The following CACNA1C variants were observed in gnomAD, a reference collection of about 807,000 sequenced individuals.
CACNA1C encodes voltage-dependent L-type calcium channel subunit alpha-1C.
A neutral mutation model predicts 229.0 loss-of-function variants in CACNA1C; 30 were observed. The observed-to-expected ratio is 0.13, with a 90% CI of 0.10 to 0.18. The LOEUF (loss-of-function observed/expected upper bound fraction) is 0.18. Among genes scored for constraint, CACNA1C ranks in the 10% least tolerant of loss-of-function variants. The probability of loss-of-function intolerance (pLI) is 1.00; values close to 1 mark genes in which losing one functional copy is unlikely to be tolerated. For synonymous variants in CACNA1C, 1,114 were observed against 1,132.5 expected (o/e 0.98, Z 0.33); for missense variants, 1,658 against 2,845.0 (o/e 0.58, Z 9.49).
chr12:2,071,416 T>G (rs2061307188), intron 1 of CACNA1C, among the ~76,000 whole-genome samples: 1 of 151,384 alleles, frequency 6.6e-6, no homozygotes, highest in Non-Finnish European at 1.5e-5. Context: ...TGAGATGAGG[T>G]CTTGCTATGT....
intron 3 of CACNA1C, among the ~76,000 whole-genome samples, chr12:2,185,023 C>T (rs531343663): frequency 2.0e-4 from 30 of 152,190 alleles, no homozygotes; most frequent in African/African-American, 6.8e-4. Context: ...AATCTTACTC[C>T]GCGTGGCTCA....
At chr12:2,182,461 A>G (rs2096872006) in intron 3 of CACNA1C, among the ~76,000 whole-genome samples, 1 of 151,792 alleles carries the variant, frequency 6.6e-6, no homozygotes, top group Non-Finnish European at 1.5e-5. Flanking sequence ...TCACATTTGT[A>G]GCCATTTCAC....
Position 2,277,099 on chromosome 12 carries a change from C to A in CACNA1C, c.477+156669C>A, listed in dbSNP as rs544611529. Among the ~76,000 whole-genome samples the A allele has an allele frequency of 2.6e-5, 4 of 152,124 alleles. No homozygotes were observed. In the South Asian group the frequency reaches 8.3e-4, roughly 32 times the overall value. The stretch of plus-strand genomic sequence containing the variant: ...ATATTAATAGCTGACATTTGCATAG[C>A]ACTTCACAGTTAATATAACACTCTC... On this transcript the variant is annotated intron_variant, in intron 3 of 46. Transcript: ENST00000399655.
intron 1 of CACNA1C, among the ~76,000 whole-genome samples, chr12:2,037,861 C>A (rs1461983730): frequency 6.6e-6 from 1 of 152,130 alleles, no homozygotes; most frequent in Non-Finnish European, 1.5e-5. Flanking sequence ...TTAAAAATAA[C>A]CCCAGGGGAT....
chr12:2,501,691 G>T (rs1357227070), intron 7 of CACNA1C, among the ~76,000 whole-genome samples: 2 of 152,124 alleles, frequency 1.3e-5, no homozygotes, highest in Non-Finnish European at 2.9e-5. Context: ...ATCCTGTATT[G>T]GCTCGGGTTT....
chr12:2,292,864 A>G (rs1305747241), intron 3 of CACNA1C, among the ~76,000 whole-genome samples: 1 of 151,272 alleles, frequency 6.6e-6, no homozygotes, highest in Non-Finnish European at 1.5e-5. Flanking sequence ...CCCACACTGG[A>G]GTGCTGGTGG....
chr12:2,353,149 G>A (rs937664164), intron 3 of CACNA1C, among the ~76,000 whole-genome samples: 2 of 152,198 alleles, frequency 1.3e-5, no homozygotes, highest in Non-Finnish European at 2.9e-5. Flanking sequence ...GGAAGGCCAC[G>A]TCACTCTGGT....
intron 3 of CACNA1C, among the ~76,000 whole-genome samples, chr12:2,363,801 G>A (rs1423606177): frequency 6.6e-6 from 1 of 152,226 alleles, no homozygotes; most frequent in Non-Finnish European, 1.5e-5. Flanking sequence ...TTGGGGTAGG[G>A]GGACGGTAAA....
At chr12:2,161,901 A>G (rs1259619179) in intron 3 of CACNA1C, among the ~76,000 whole-genome samples, 1 of 152,150 alleles carries the variant, frequency 6.6e-6, no homozygotes, top group Non-Finnish European at 1.5e-5. Flanking sequence ...AAGCAGAAGC[A>G]CTCAAAAATA....
At chr12:2,036,976 C>T (rs2049265490) in intron 1 of CACNA1C, among the ~76,000 whole-genome samples, 1 of 152,138 alleles carries the variant, frequency 6.6e-6, no homozygotes, top group Admixed American at 6.5e-5. Context: ...GGCAAGAGAC[C>T]AAGTTCACTC....
chr12:2,256,437 A>G (rs1410138850), intron 3 of CACNA1C, among the ~76,000 whole-genome samples: 1 of 152,200 alleles, frequency 6.6e-6, no homozygotes, highest in Non-Finnish European at 1.5e-5. Flanking sequence ...GAAGAAAACA[A>G]CTGCTTAAAT....
chr12:2,359,217 C>T (rs1279753865), intron 3 of CACNA1C, among the ~76,000 whole-genome samples: 1 of 152,226 alleles, frequency 6.6e-6, no homozygotes, highest in African/African-American at 2.4e-5. Flanking sequence ...GATTCTGTTT[C>T]CTCCCACTTG....
At chr12:2,326,550 C>T (rs1311049387) in intron 3 of CACNA1C, among the ~76,000 whole-genome samples, 1 of 152,208 alleles carries the variant, frequency 6.6e-6, no homozygotes, top group African/African-American at 2.4e-5. Flanking sequence ...GAGGGGCTGC[C>T]ACTGCCCTTG....
intron 9 of CACNA1C, among the ~76,000 whole-genome samples, chr12:2,542,059 C>T (rs1046905078): frequency 4.6e-5 from 7 of 152,266 alleles, no homozygotes; most frequent in Admixed American, 1.3e-4. Context: ...AGGAAGGAAA[C>T]GAGAGTACAG....
chr12:2,237,222 A>G (rs1370243567), intron 3 of CACNA1C, among the ~76,000 whole-genome samples: 6 of 152,222 alleles, frequency 3.9e-5, no homozygotes, highest in African/African-American at 1.4e-4. Flanking sequence ...AATTTTAAAA[A>G]TATACGTTCA....
intron 3 of CACNA1C, among the ~76,000 whole-genome samples, chr12:2,282,453 A>G (rs937537340): frequency 6.6e-6 from 1 of 152,208 alleles, no homozygotes; most frequent in Non-Finnish European, 1.5e-5. Flanking sequence ...TGAGACAGGA[A>G]CAGCAGCTTT....
intron 1 of CACNA1C, among the ~76,000 whole-genome samples, chr12:2,091,577 T>C (rs935860259): frequency 5.3e-5 from 8 of 150,704 alleles, no homozygotes; most frequent in African/African-American, 2.0e-4. Context: ...GCCTTCCTCT[T>C]CCGAGGACCC....
At chr12:2,544,722 C>T (rs2099877891) in intron 9 of CACNA1C, among the ~76,000 whole-genome samples, 1 of 152,176 alleles carries the variant, frequency 6.6e-6, no homozygotes, top group Non-Finnish European at 1.5e-5. Flanking sequence ...AAGCATTTTC[C>T]CTGCAAAAAG....
chr12:2,572,385 CCTCCTCCTTCT>C, intron 13 of CACNA1C, among the ~76,000 whole-genome samples: 1 of 1,766 alleles, frequency 5.7e-4, no homozygotes, highest in Non-Finnish European at 1.1e-3. Context: ...TCCTCCTCTT[CCTCCTCCTTCT>C]TCTCTTCCTC....
Sources: allele counts gnomAD v4.1 joint callset (sites outside exome capture counted in the v4.1 genomes callset), GRCh38; gene constraint gnomAD v4.1.1; transcripts MANE v1.5; gene names NCBI Gene and HGNC (gene_info 2026-07-23, HGNC 2026-07-21).